CHD9: variants seen among roughly 807,000 people sequenced by gnomAD.
The protein encoded by CHD9 is ATP-dependent chromatin remodeler CHD9.
CHD9 carries 77 observed loss-of-function variants against 316.1 expected under a neutral mutation model. That is an observed-to-expected ratio of 0.24 (90% CI 0.20 to 0.29). CHD9 has a LOEUF of 0.29. Ranked by LOEUF, CHD9 falls within the 10% of genes least tolerant of loss-of-function variation. The probability of loss-of-function intolerance (pLI) is 1.00; values close to 1 mark genes in which losing one functional copy is unlikely to be tolerated. For missense variants in CHD9, 2,763 were observed against 3,438.1 expected (o/e 0.80, Z 4.91); for synonymous variants, 1,129 against 1,158.3 (o/e 0.97, Z 0.51).
chr16:53,228,102 AT>A (rs1333193737), intron 7 of CHD9, among the ~76,000 whole-genome samples: 1 of 151,938 alleles, frequency 6.6e-6, no homozygotes, highest in African/African-American at 2.4e-5. Context: ...AAAAAATTAA[AT>A]TTTTTTTATT....
intron 1 of CHD9, among the ~76,000 whole-genome samples, chr16:53,081,396 T>C (rs1311780679): frequency 6.6e-6 from 1 of 152,160 alleles, no homozygotes; most frequent in East Asian, 1.9e-4. Context: ...TATGGGGCAA[T>C]AAAGCACCCA....
At chr16:53,124,413 AGCATGTG>A (rs2152662820) in intron 1 of CHD9, among the ~76,000 whole-genome samples, 1 of 149,904 alleles carries the variant, frequency 6.7e-6, no homozygotes, top group South Asian at 2.1e-4. Context: ...CGAGAGAGAG[AGCATGTG>A]TTGGGGAAAC....
At chr16:53,096,843 G>A (rs1002514054) in intron 1 of CHD9, among the ~76,000 whole-genome samples, 5 of 152,100 alleles carry the variant, frequency 3.3e-5, no homozygotes, top group African/African-American at 1.2e-4. Flanking sequence ...TACTAAGGTG[G>A]TCCAAGGTGT....
chr16:53,210,321 AAATC>A (rs753663683), intron 3 of CHD9, among the ~76,000 whole-genome samples: 1 of 151,852 alleles, frequency 6.6e-6, no homozygotes, highest in Non-Finnish European at 1.5e-5. Flanking sequence ...AATACCATAT[AAATC>A]AACAATAAGT....
intron 1 of CHD9, among the ~76,000 whole-genome samples, chr16:53,127,935 T>C (rs1293618337): frequency 9.2e-6 from 1 of 109,018 alleles, no homozygotes; most frequent in African/African-American, 3.5e-5. Flanking sequence ...AGAGTGAGAC[T>C]CTGTCAAAAA....
At chr16:53,273,139 G>A (rs749337864) in intron 22 of CHD9, among the ~76,000 whole-genome samples, 3 of 152,008 alleles carry the variant, frequency 2.0e-5, no homozygotes, top group Non-Finnish European at 4.4e-5. Flanking sequence ...TGGACTATGT[G>A]AACATGAAGA....
chr16:53,085,654 AAT>A (rs1270764795), intron 1 of CHD9, among the ~76,000 whole-genome samples: 1 of 152,236 alleles, frequency 6.6e-6, no homozygotes, highest in Non-Finnish European at 1.5e-5. Context: ...CCGCTTTAGC[AAT>A]AACCTTCTGG....
At chr16:53,260,270 G>C (rs1051515096) in intron 19 of CHD9, among the ~76,000 whole-genome samples, 1 of 152,168 alleles carries the variant, frequency 6.6e-6, no homozygotes, top group Non-Finnish European at 1.5e-5. Context: ...CTTGAGGCTG[G>C]AAGTTCAAGA....
In CHD9 at chr16:53,187,231, G is replaced by C. The variant is rs2044096027; in HGVS notation, c.1453-22251G>C. Among the ~76,000 whole-genome samples the C allele has an allele frequency of 3.3e-5, 5 of 152,178 alleles. No individual in the cohort carries two copies. In the South Asian group the frequency reaches 1.0e-3, roughly 32 times the overall value. ...GAAGAAAGTGTAGAGGGAGAAGCCAGGTGCAGTCACTCATGCCTGTAATCC... is the reference window on the plus strand; with the variant it reads ...GAAGAAAGTGTAGAGGGAGAAGCCACGTGCAGTCACTCATGCCTGTAATCC... On this transcript the variant is annotated intron_variant, in intron 2 of 38. Coordinates refer to ENST00000447540, the MANE Select transcript of CHD9 (RefSeq NM_001308319.2).
chr16:53,231,900 T>TA, intron 10 of CHD9, 116 bp downstream of exon 10: 7 of 979,394 alleles, frequency 7.1e-6, no homozygotes, highest in Non-Finnish European at 1.0e-5. Context: ...GGCTTGTTAC[T>TA]ATGTGAGTCT....
At chr16:53,118,797 T>C (rs953822120) in intron 1 of CHD9, among the ~76,000 whole-genome samples, 16 of 149,296 alleles carry the variant, frequency 1.1e-4, no homozygotes, top group Admixed American at 4.0e-4. Context: ...AACTTTCTTT[T>C]TTTTTTTTTT....
chr16:53,260,917 C>T (rs1433565148), intron 19 of CHD9, among the ~76,000 whole-genome samples: 1 of 152,064 alleles, frequency 6.6e-6, no homozygotes, highest in East Asian at 1.9e-4. Flanking sequence ...TTTCAAGGTC[C>T]TTAACTTAAT....
At position 53,324,618 on chromosome 16, in the gene CHD9, T is replaced by C. The variant is rs2057470511; in HGVS notation, c.8417T>C (p.Met2806Thr). Reference protein sequence around the residue: ...LLLSNILYPGMLLTPGLNLHI... With the variant: ...LLLSNILYPGTLLTPGLNLHI... The stretch of plus-strand genomic sequence containing the variant: ...CTATCTAATATACTTTATCCAGGGA[T>C]GCTTCTCACTCCAGGCCTTAATCTT... The change falls in exon 39 of 39, where the codon ATG becomes ACG. Residue 2806 changes from methionine to threonine, a missense_variant. Physicochemically the swap from Met to Thr is moderately conservative, Grantham distance 81. This residue lies in a region of CHD9 where 298 missense variants were observed against 380.2 expected (regional missense o/e 0.78). Transcript: ENST00000447540. 6.2e-7 allele frequency: 1 copy of C among 1,613,666 alleles called. No homozygotes were observed. The highest frequency in any genetic ancestry group is 1.3e-5 in the African/African-American group (1 of 74,944).
chr16:53,227,569 G>T lies in CHD9; in HGVS notation c.2134G>T (p.Asp712Tyr). The change falls in exon 7 of 39, where the codon GAT (aspartate) becomes TAT (tyrosine). Residue 712 changes from aspartate to tyrosine, a missense_variant. Physicochemically the swap from Asp to Tyr is radical, Grantham distance 160 (BLOSUM62 -3). Coordinates refer to ENST00000447540, the MANE Select transcript of CHD9 (RefSeq NM_001308319.2). ...KKEISPGVMIDTEEFFVKYKN... is the reference protein window; with the variant it reads ...KKEISPGVMIYTEEFFVKYKN... ...TTAGATATCACCTGGAGTGATGATT[G>T]ATACAGAAGAATTTTTTGTAAAATA... 1 of 1,395,546 alleles carries T rather than the reference G, an allele frequency of 7.2e-7. No individual in the cohort carries two copies. Among genetic ancestry groups the T allele is most frequent in the South Asian group, 1.5e-5 (1 of 65,886 alleles). The allele number at this position is 1,395,546 out of a possible 1,614,324, so 86.4% of individuals were successfully genotyped here.
At chr16:53,102,494 C>T in intron 1 of CHD9, among the ~76,000 whole-genome samples, 1 of 152,054 alleles carries the variant, frequency 6.6e-6, no homozygotes, top group East Asian at 1.9e-4. Context: ...TCAACCCAAA[C>T]AGTCTCACTC....
At chr16:53,155,653 C>G (rs934623219) in intron 1 of CHD9, among the ~76,000 whole-genome samples, 9 of 152,006 alleles carry the variant, frequency 5.9e-5, no homozygotes, top group African/African-American at 2.2e-4. Flanking sequence ...TTCGTTACCC[C>G]CAAAAGAAAT....
At chr16:53,171,205 C>G (rs967871150) in intron 2 of CHD9, among the ~76,000 whole-genome samples, 1 of 151,858 alleles carries the variant, frequency 6.6e-6, no homozygotes, top group African/African-American at 2.4e-5. Flanking sequence ...GTCAGGAGAT[C>G]GAGACTATCC....
chr16:53,243,264 CTA>C (rs2049260913), intron 13 of CHD9, among the ~76,000 whole-genome samples: 4 of 152,064 alleles, frequency 2.6e-5, no homozygotes, highest in Admixed American at 6.5e-5. Context: ...AATGAGACCT[CTA>C]TAGAGTATGT....
At chr16:53,254,792 C>T (rs1239778190) in intron 18 of CHD9, 187 bp downstream of exon 18, 2 of 407,852 alleles carry the variant, frequency 4.9e-6, no homozygotes, top group Non-Finnish European at 8.6e-6. Flanking sequence ...CTGTGTAGCT[C>T]CAGAGCTTAT....
Sources: allele counts gnomAD v4.1 joint callset (sites outside exome capture counted in the v4.1 genomes callset), GRCh38; gene constraint gnomAD v4.1.1; regional missense constraint gnomAD v4.1.1; transcripts MANE v1.5; gene names NCBI Gene and HGNC (gene_info 2026-07-23, HGNC 2026-07-21).